Variants in XAB2 observed in about 807,000 individuals in gnomAD.
XAB2 encodes XPA binding protein 2.
In XAB2, 57 loss-of-function variants were observed where a neutral mutation model predicts 113.4. The ratio of observed to expected loss-of-function variants is 0.50; its 90% CI spans 0.41 to 0.63. The LOEUF (loss-of-function observed/expected upper bound fraction) is 0.63, where lower values mean the gene tolerates loss of function less well. Among genes scored for constraint, XAB2 ranks in the 20% least tolerant of loss-of-function variants. The pLI is 0.00. For synonymous variants in XAB2, 497 were observed against 498.8 expected (o/e 1.00, Z 0.05); for missense variants, 1,037 against 1,233.3 (o/e 0.84, Z 2.38).
chr19:7,627,543 T>A lies in XAB2; in HGVS notation c.325-103A>T. The A allele has an allele frequency of 6.6e-7, 1 of 1,517,032 alleles. No homozygotes were observed. Among genetic ancestry groups the A allele is most frequent in the Non-Finnish European group, 9.0e-7 (1 of 1,117,052 alleles). The allele number at this position is 1,517,032 out of a possible 1,614,324, so 94.0% of individuals were successfully genotyped here. ...CTGAGCCACACCTGGGGCCACCACA[T>A]AAATGCGGCGGGACCCAGAAACCCC... On this transcript the variant is annotated intron_variant, in intron 3 of 18. Transcript: ENST00000358368. This position sits in a 1 kb window ranked among gnomAD's most constrained non-coding sequence, Gnocchi z 4.5.
In XAB2 at chr19:7,623,606, G is replaced by A; in HGVS notation, c.1119+125C>T. The A allele has an allele frequency of 2.2e-6, 3 of 1,335,788 alleles. No homozygotes were observed. Among genetic ancestry groups the A allele is most frequent in the Admixed American group, 4.7e-5 (2 of 42,878 alleles). The allele number at this position is 1,335,788 out of a possible 1,614,324, so 82.7% of individuals were successfully genotyped here. ...CAGGAGGAGAACCCCAAGAACAGGG[G>A]TGGAATTGGACCTACTAAGCAAAGT... On this transcript the variant is annotated intron_variant, in intron 8 of 18. Coordinates refer to ENST00000358368, the MANE Select transcript of XAB2 (RefSeq NM_020196.3). This position sits in a 1 kb window ranked among gnomAD's most constrained non-coding sequence, Gnocchi z 4.6.
In XAB2 at chr19:7,625,912, C is replaced by A; in HGVS notation, c.790G>T (p.Asp264Tyr). The change falls in exon 6 of 19, where the codon GAC becomes TAC. Residue 264 changes from aspartate to tyrosine, a missense_variant. Coordinates refer to ENST00000358368, the MANE Select transcript of XAB2 (RefSeq NM_020196.3). This position sits in a 1 kb window ranked among gnomAD's most constrained non-coding sequence, Gnocchi z 5.2. ...AAATGGCCGCTGCGGATGTAGTAGTCGGCGAGAGAACACCAGAGCTTGCCC... is the reference window on the plus strand; with the variant it reads ...AAATGGCCGCTGCGGATGTAGTAGTAGGCGAGAGAACACCAGAGCTTGCCC... Reference protein sequence around the residue: ...QLGKLWCSLADYYIRSGHFEK... With the variant: ...QLGKLWCSLAYYYIRSGHFEK... 1 of 1,612,328 alleles carries A rather than the reference C, an allele frequency of 6.2e-7. No homozygotes were observed. Among genetic ancestry groups the A allele is most frequent in the Non-Finnish European group, 8.5e-7 (1 of 1,179,098 alleles).
In XAB2 at chr19:7,623,001, C is replaced by A. The variant is rs922191369; in HGVS notation, c.1240-108G>T. 2.6e-6 allele frequency: 4 copies of A among 1,545,932 alleles called. No individual in the cohort carries two copies. Among genetic ancestry groups the A allele is most frequent in the Admixed American group, 3.8e-5 (2 of 52,522 alleles). On this transcript the variant is annotated intron_variant, in intron 9 of 18. Transcript: ENST00000358368. This position sits in a 1 kb window ranked among gnomAD's most constrained non-coding sequence, Gnocchi z 4.6. ...TCACAAACATACAGGCACAAACACACAGGCACACACACAGGCACACACATG... is the reference window on the plus strand; with the variant it reads ...TCACAAACATACAGGCACAAACACAAAGGCACACACACAGGCACACACATG...
rs1249662441 is a variant in XAB2, at chr19:7,627,143, C to T, written c.522+100G>A. ...ACATGCATCTCCAGGAGCCTCTTCC[C>T]ACATCCCGTCTGCTGGGTGACATCC... On this transcript the variant is annotated intron_variant, in intron 4 of 18. Transcript: ENST00000358368. The surrounding 1 kb of genome is among the most constrained non-coding windows in gnomAD (Gnocchi z 4.5). 4 of 1,366,256 alleles carry T rather than the reference C, an allele frequency of 2.9e-6. No homozygotes were observed. Among genetic ancestry groups the T allele is most frequent in the South Asian group, 2.5e-5 (2 of 79,666 alleles). The allele number at this position is 1,366,256 out of a possible 1,614,324, so 84.6% of individuals were successfully genotyped here.
At chr19:7,620,143 C>CA (rs2146182593) in intron 16 of XAB2, 68 bp from the exon 17 acceptor site, 1 of 1,594,776 alleles carries the variant, frequency 6.3e-7, no homozygotes, top group East Asian at 2.2e-5. Context: ...TGCACTATCC[C>CA]AGTCCCCCAG....
intron 4 of XAB2, among the ~76,000 whole-genome samples, chr19:7,626,557 G>A (rs1471631855): frequency 4.6e-5 from 7 of 151,362 alleles, no homozygotes; most frequent in Non-Finnish European, 7.4e-5. Context: ...GCCTTGACCC[G>A]CAAGGGCACA....
chr19:7,621,024 A>G lies in XAB2; in HGVS notation c.1793T>C (p.Leu598Pro). The part of the protein sequence containing the change: ...PPKYAKTLYL[L>P]YAQLEEEWGL... ...CCACTCCTCCTCCAGCTGTGCGTAC[A>G]GCAGGTACAAGGCTGGGCGGGGTAG... The change falls in exon 14 of 19, where the codon CTG (leucine) becomes CCG (proline). Residue 598 changes from leucine (L) to proline (P), a missense_variant. Coordinates refer to ENST00000358368, the MANE Select transcript of XAB2 (RefSeq NM_020196.3). The G allele has an allele frequency of 5.1e-6, 8 of 1,556,896 alleles. No homozygotes were observed. The highest frequency in any genetic ancestry group is 1.2e-5 in the South Asian group (1 of 84,372).
At position 7,621,099 on chromosome 19, in the gene XAB2, G is replaced by A. The variant is rs369665972; in HGVS notation, c.1780+36C>T. The A allele has an allele frequency of 2.2e-4, 169 of 772,160 alleles. No individual in the cohort carries two copies. The Middle Eastern group carries it at 2.6e-3, about 12-fold the overall frequency. 47.8% of individuals were successfully genotyped at this position (772,160 alleles called of 1,614,324 possible). ...CCGGGGCCAGTCAGAAACCCAGCCCGCCCGCCACCCCCCCCATGCCCTCTG... is the reference window on the plus strand; with the variant it reads ...CCGGGGCCAGTCAGAAACCCAGCCCACCCGCCACCCCCCCCATGCCCTCTG... On this transcript the variant is annotated intron_variant, in intron 13 of 18. Coordinates refer to ENST00000358368, the MANE Select transcript of XAB2 (RefSeq NM_020196.3).
Position 7,625,853 on chromosome 19 carries a change from C to T in XAB2, c.822+27G>A. ...TGTCGGAGGGAGACCCCGCCCCGAA[C>T]CCAGAGCCCCGTGTGCCAGCATGCA... On this transcript the variant is annotated intron_variant, in intron 6 of 18. Coordinates refer to ENST00000358368, the MANE Select transcript of XAB2 (RefSeq NM_020196.3). The surrounding 1 kb of genome is among the most constrained non-coding windows in gnomAD (Gnocchi z 5.2). 1 of 1,578,366 alleles carries T rather than the reference C, an allele frequency of 6.3e-7. No homozygotes were observed. Among genetic ancestry groups the T allele is most frequent in the Non-Finnish European group, 8.6e-7 (1 of 1,157,352 alleles).
rs2031078056 is a variant in XAB2, at chr19:7,623,463, C to T, written c.1120-174G>A. Among the ~76,000 whole-genome samples the T allele has an allele frequency of 6.6e-6, 1 of 151,682 alleles. No individual in the cohort carries two copies. The highest frequency in any genetic ancestry group is 6.6e-5 in the Admixed American group (1 of 15,236). On this transcript the variant is annotated intron_variant, in intron 8 of 18. Transcript: ENST00000358368. This position sits in a 1 kb window ranked among gnomAD's most constrained non-coding sequence, Gnocchi z 4.6. Reference sequence around the variant, plus strand: ...TCAGGACCAAGAGAGAGCTGTGGCCCTAAGGGGCGGGGCCAGGAGAGAGCT... The same window carrying T: ...TCAGGACCAAGAGAGAGCTGTGGCCTTAAGGGGCGGGGCCAGGAGAGAGCT...
chr19:7,620,101 C>G, intron 16 of XAB2, 26 bp from the exon 17 acceptor site: 1 of 1,606,428 alleles, frequency 6.2e-7, no homozygotes, highest in Non-Finnish European at 8.5e-7. Context: ...AGGGGGTCAG[C>G]GCCACGGGGG....
In XAB2 at chr19:7,625,823, C is replaced by T; in HGVS notation, c.822+57G>A. 6.5e-7 allele frequency: 1 copy of T among 1,546,808 alleles called. No homozygotes were observed. The highest frequency in any genetic ancestry group is 1.9e-5 in the Admixed American group (1 of 53,206). ...CCTGTGCATGTGTCAACATGTGTCCCCGAGTGTCGGAGGGAGACCCCGCCC... is the reference window on the plus strand; with the variant it reads ...CCTGTGCATGTGTCAACATGTGTCCTCGAGTGTCGGAGGGAGACCCCGCCC... On this transcript the variant is annotated intron_variant, in intron 6 of 18. Transcript: ENST00000358368. The surrounding 1 kb of genome is among the most constrained non-coding windows in gnomAD (Gnocchi z 5.2).
In XAB2 at chr19:7,620,436, G is replaced by A. The variant is rs1214476514; in HGVS notation, c.2105C>T (p.Ala702Val). ...SQICDPRTTG[A>V]FWQTWKDFEV... ...AAAGTCCTTCCACGTCTGCCAGAAC[G>A]CGCCGGTCGTCTGCGTGGGGGGCAG... The change falls in exon 16 of 19, where the codon GCG becomes GTG. Residue 702 changes from alanine to valine, a missense_variant. By Grantham distance (64) the Ala-to-Val change is moderately conservative. Coordinates refer to ENST00000358368, the MANE Select transcript of XAB2 (RefSeq NM_020196.3). 13 of 1,608,740 alleles carry A rather than the reference G, an allele frequency of 8.1e-6. No homozygotes were observed. Among genetic ancestry groups the A allele is most frequent in the East Asian group, 2.2e-5 (1 of 44,806 alleles).
Position 7,619,962 on chromosome 19 carries a change from T to C in XAB2, c.2380A>G (p.Lys794Glu), listed in dbSNP as rs2030992762. 6.2e-7 allele frequency: 1 copy of C among 1,611,746 alleles called. No homozygotes were observed. Among genetic ancestry groups the C allele is most frequent in the Non-Finnish European group, 8.5e-7 (1 of 1,179,944 alleles). ...CGCCCTCACCTCACGAACAGGATCT[T>C]GCTCTGGGCGCGCAAGGGCTGGTCA... ...ERDQPLRAQS[K>E]ILFVRSDASR... Residue 794 changes from lysine to glutamate, a missense_variant, in exon 17 of 19, where the codon AAG becomes GAG. Lys to Glu is a moderately conservative substitution (Grantham distance 56, BLOSUM62 1). Coordinates refer to ENST00000358368, the MANE Select transcript of XAB2 (RefSeq NM_020196.3).
chr19:7,621,103 G>A (rs373281523), intron 13 of XAB2, 32 bp downstream of exon 13: 34 of 739,198 alleles, frequency 4.6e-5, no homozygotes, highest in East Asian at 2.3e-4. Flanking sequence ...CAGCCCGCCC[G>A]CCACCCCCCC....
rs574204526 is a variant in XAB2 at position 7,624,015 on chromosome 19, G to C, written c.968-133C>G. On this transcript the variant is annotated intron_variant, in intron 7 of 18. Coordinates refer to ENST00000358368, the MANE Select transcript of XAB2 (RefSeq NM_020196.3). The surrounding 1 kb of genome is among the most constrained non-coding windows in gnomAD (Gnocchi z 4.2). ...GCTCTGGGCCCTAGACACTCAGCTC[G>C]GGTGTCCACCTGAGCCCCACCCCCA... 5.1e-6 allele frequency: 6 copies of C among 1,186,370 alleles called. No individual in the cohort carries two copies. Among genetic ancestry groups the C allele is most frequent in the Non-Finnish European group, 6.9e-6 (6 of 868,014 alleles). The allele number at this position is 1,186,370 out of a possible 1,614,324, so 73.5% of individuals were successfully genotyped here.
chr19:7,628,023 G>C lies in XAB2; in HGVS notation c.200+127C>G. 1 of 1,457,794 alleles carries C rather than the reference G, an allele frequency of 6.9e-7. No homozygotes were observed. The highest frequency in any genetic ancestry group is 1.4e-5 in the African/African-American group (1 of 71,818). 90.3% of individuals were successfully genotyped at this position (1,457,794 alleles called of 1,614,324 possible). ...CAGAGAAGGTGTGCTGACCCATCAA[G>C]GGATGTACAGGTCAGTGATGAAACA... On this transcript the variant is annotated intron_variant, in intron 2 of 18. Coordinates refer to ENST00000358368, the MANE Select transcript of XAB2 (RefSeq NM_020196.3). The surrounding 1 kb of genome is among the most constrained non-coding windows in gnomAD (Gnocchi z 4.6).
intron 4 of XAB2, among the ~76,000 whole-genome samples, chr19:7,626,525 C>T (rs761012067): frequency 6.6e-6 from 1 of 151,778 alleles, no homozygotes; most frequent in African/African-American, 2.4e-5. Flanking sequence ...CTGACTAGAC[C>T]AGCTGTGGAC....
At position 7,620,370 on chromosome 19, in the gene XAB2, A is replaced by G. The variant is rs1172390671; in HGVS notation, c.2171T>C (p.Leu724Pro). Reference protein sequence around the residue: ...HGNEDTIKEMLRIRRSVQATY... With the variant: ...HGNEDTIKEMPRIRRSVQATY... The stretch of plus-strand genomic sequence containing the variant: ...GGCCTGCACGCTGCGCCGGATACGC[A>G]GCATTTCCTTGATGGTGTCCTCATT... Residue 724 changes from leucine (L) to proline (P), a missense_variant, in exon 16 of 19, where the codon CTG (leucine) becomes CCG (proline). By Grantham distance (98) the Leu-to-Pro change is moderately conservative. Coordinates refer to ENST00000358368, the MANE Select transcript of XAB2 (RefSeq NM_020196.3). 6.2e-7 allele frequency: 1 copy of G among 1,613,194 alleles called. No individual in the cohort carries two copies. The highest frequency in any genetic ancestry group is 1.1e-5 in the South Asian group (1 of 91,090).
Sources: allele counts gnomAD v4.1 joint callset (sites outside exome capture counted in the v4.1 genomes callset), GRCh38; gene constraint gnomAD v4.1.1; non-coding constraint Gnocchi (gnomAD v3.1); transcripts MANE v1.5; gene names NCBI Gene and HGNC (gene_info 2026-07-23, HGNC 2026-07-21).